Variants in MEGF11 observed in about 807,000 individuals in gnomAD.
MEGF11 encodes the protein multiple EGF like domains 11.
In MEGF11, 126 loss-of-function variants were observed where a neutral mutation model predicts 146.6. That is an observed-to-expected ratio of 0.86 (90% CI 0.74 to 1.00). The LOEUF (loss-of-function observed/expected upper bound fraction) is 1.00, where lower values mean the gene tolerates loss of function less well. MEGF11 is among the 50% of genes least tolerant of loss of function. The pLI, the probability that MEGF11 is intolerant of heterozygous loss-of-function variation, is 0.00. For synonymous variants in MEGF11, 532 were observed against 583.4 expected (o/e 0.91, Z 1.27); for missense variants, 1,509 against 1,521.2 (o/e 0.99, Z 0.13).
intron 1 of MEGF11, among the ~76,000 whole-genome samples, chr15:66,237,773 A>G (rs2092127326): frequency 6.6e-6 from 1 of 152,174 alleles, no homozygotes; most frequent in Admixed American, 6.5e-5. Flanking sequence ...CTTCCCATGG[A>G]TGGCCAGGAG....
At chr15:66,236,145 G>A (rs1256949700) in intron 1 of MEGF11, among the ~76,000 whole-genome samples, 1 of 152,178 alleles carries the variant, frequency 6.6e-6, no homozygotes. Flanking sequence ...GAAGGGCTTT[G>A]CAGTCAGAAA....
At chr15:65,915,631 C>T (rs2078970481) in intron 18 of MEGF11, 33 bp from the exon 19 acceptor site, 1 of 1,606,662 alleles carries the variant, frequency 6.2e-7, no homozygotes, top group Non-Finnish European at 8.5e-7. Context: ...GTAGAGGACC[C>T]ACTCACTCTC....
intron 1 of MEGF11, among the ~76,000 whole-genome samples, chr15:66,226,078 G>A (rs2091846184): frequency 6.6e-6 from 1 of 152,196 alleles, no homozygotes; most frequent in Non-Finnish European, 1.5e-5. Flanking sequence ...TCTGAGTAGT[G>A]TGATGAAATG....
At chr15:66,052,249 T>TG (rs2084479392) in intron 5 of MEGF11, among the ~76,000 whole-genome samples, 2 of 151,504 alleles carry the variant, frequency 1.3e-5, no homozygotes, top group East Asian at 1.9e-4. Flanking sequence ...GTGCTGGGGG[T>TG]GGGGGGCAAG....
At chr15:66,204,088 GA>G (rs36034475) in intron 1 of MEGF11, among the ~76,000 whole-genome samples, 39,534 of 146,360 alleles carry the variant, frequency 0.27, 5,248 homozygotes, top group South Asian at 0.33. Flanking sequence ...ATTAAAGGGG[GA>G]AAAAAAAAAA....
chr15:65,922,618 G>T, intron 14 of MEGF11, 146 bp from the exon 15 acceptor site: 1 of 1,333,374 alleles, frequency 7.5e-7, no homozygotes, highest in Non-Finnish European at 1.0e-6. Flanking sequence ...GCAGAGAAGA[G>T]CTGTGGTGTG....
At chr15:66,246,135 T>C (rs1394605434) in intron 1 of MEGF11, among the ~76,000 whole-genome samples, 2 of 152,184 alleles carry the variant, frequency 1.3e-5, no homozygotes, top group Non-Finnish European at 2.9e-5. Flanking sequence ...TGCAAGCCTG[T>C]AATCCCAGCT....
chr15:65,952,717 T>G (rs967018608), intron 10 of MEGF11, among the ~76,000 whole-genome samples: 2 of 152,158 alleles, frequency 1.3e-5, no homozygotes, highest in African/African-American at 4.8e-5. Context: ...CTGTTTCCGA[T>G]GGGCAGGGAA....
chr15:65,933,326 G>A lies in MEGF11; in HGVS notation c.1288-2383C>T, dbSNP rs1056891846. 9.2e-5 allele frequency among the ~76,000 whole-genome samples: 14 copies of A among 152,214 alleles called. 1 individual carries two copies. In the South Asian group the frequency reaches 1.9e-3, roughly 20 times the overall value. Reference sequence around the variant, plus strand: ...GGTGCAGACTGCAGGCACAGCGTATGCCTTTCTCTTCATGAATCTGCTATC... The same window carrying A: ...GGTGCAGACTGCAGGCACAGCGTATACCTTTCTCTTCATGAATCTGCTATC... On this transcript the variant is annotated intron_variant, in intron 10 of 25. Coordinates refer to ENST00000395614, the MANE Select transcript of MEGF11 (RefSeq NM_001385028.1).
At chr15:65,949,883 GA>G (rs2080332054) in intron 10 of MEGF11, among the ~76,000 whole-genome samples, 1 of 152,162 alleles carries the variant, frequency 6.6e-6, no homozygotes, top group Non-Finnish European at 1.5e-5. Flanking sequence ...GTCAGCAGAG[GA>G]GCATGGTGGA....
At position 66,013,994 on chromosome 15, in the gene MEGF11, G is replaced by A. The variant is rs144175353; in HGVS notation, c.395-31506C>T. Among the ~76,000 whole-genome samples, 400 of 152,278 alleles carry A rather than the reference G, an allele frequency of 2.6e-3. 1 individual carries two copies. The highest frequency in any genetic ancestry group is 9.2e-3 in the African/African-American group (384 of 41,554). The stretch of plus-strand genomic sequence containing the variant: ...TGACTGCAGGCTTTGAGCAGAGGAG[G>A]GCCATGGTTGGGGTGGTGGTTCTGG... On this transcript the variant is annotated intron_variant, in intron 5 of 25. Coordinates refer to ENST00000395614, the MANE Select transcript of MEGF11 (RefSeq NM_001385028.1).
intron 5 of MEGF11, among the ~76,000 whole-genome samples, chr15:66,069,498 T>C (rs1024534948): frequency 6.6e-6 from 1 of 152,302 alleles, no homozygotes; most frequent in East Asian, 1.9e-4. Flanking sequence ...GTTAGCTCCA[T>C]TTTATAAAAG....
intron 24 of MEGF11, 83 bp from the exon 25 acceptor site, chr15:65,899,017 A>T (rs1000020435): frequency 7.4e-7 from 1 of 1,359,334 alleles, no homozygotes; most frequent in Admixed American, 2.0e-5. Flanking sequence ...AGTTGAGTTT[A>T]TGTGCCTTCA....
chr15:66,119,223 A>C, intron 3 of MEGF11, 37 bp from the exon 4 acceptor site: 2 of 1,356,436 alleles, frequency 1.5e-6, no homozygotes, highest in Non-Finnish European at 2.1e-6. Flanking sequence ...GAAAGTATTG[A>C]AAATCAATCA....
chr15:66,188,731 C>G (rs1261311704), intron 1 of MEGF11, among the ~76,000 whole-genome samples: 1 of 152,228 alleles, frequency 6.6e-6, no homozygotes, highest in Admixed American at 6.5e-5. Context: ...ACCCAGTGAG[C>G]CTAGACAGCC....
chr15:66,018,269 G>C (rs552993943), intron 5 of MEGF11, among the ~76,000 whole-genome samples: 59 of 152,344 alleles, frequency 3.9e-4, no homozygotes, highest in African/African-American at 1.4e-3. Context: ...TCACTAAGCA[G>C]GGCACAGACC....
Position 65,982,550 on chromosome 15 carries a change from A to G in MEGF11, c.395-62T>C. The G allele has an allele frequency of 4.2e-6, 6 of 1,413,944 alleles. No individual in the cohort carries two copies. The highest frequency in any genetic ancestry group is 5.5e-6 in the Non-Finnish European group (6 of 1,086,778). 87.6% of individuals were successfully genotyped at this position (1,413,944 alleles called of 1,614,324 possible). On this transcript the variant is annotated intron_variant, in intron 5 of 25. Coordinates refer to ENST00000395614, the MANE Select transcript of MEGF11 (RefSeq NM_001385028.1). The surrounding 1 kb of genome is among the most constrained non-coding windows in gnomAD (Gnocchi z 5.6). The stretch of plus-strand genomic sequence containing the variant: ...GAAGGCTCTCCTTGGGGCAGGGGCC[A>G]GGAACCGATGCCCATGCGGCCTTCC...
At chr15:66,160,590 T>A (rs1224693576) in intron 1 of MEGF11, among the ~76,000 whole-genome samples, 2 of 151,946 alleles carry the variant, frequency 1.3e-5, no homozygotes, top group East Asian at 3.9e-4. Context: ...ATTTCTAATG[T>A]CATTCATTCA....
intron 4 of MEGF11, among the ~76,000 whole-genome samples, chr15:66,109,208 C>T (rs1331187684): frequency 6.6e-6 from 1 of 152,126 alleles, no homozygotes; most frequent in Non-Finnish European, 1.5e-5. Context: ...CATCCCTGCA[C>T]ACCCCCCATA....
Sources: gnomAD v4.1 joint callset for allele counts (sites outside exome capture counted in the v4.1 genomes callset) on GRCh38, gnomAD v4.1.1 for gene constraint, Gnocchi (gnomAD v3.1) non-coding constraint, MANE v1.5 for transcripts, NCBI Gene and HGNC (gene_info 2026-07-23, HGNC 2026-07-21) for gene names.